The following DTWD1 variants were observed in gnomAD, a reference collection of about 807,000 sequenced individuals.
DTWD1 encodes the protein DTW motif tRNA-uridine aminocarboxypropyltransferase 1.
DTWD1 carries 27 observed loss-of-function variants against 30.2 expected under a neutral mutation model. The ratio of observed to expected loss-of-function variants is 0.90; its 90% CI spans 0.66 to 1.23. The LOEUF (loss-of-function observed/expected upper bound fraction) is 1.23. DTWD1 is among the 50% of genes most tolerant of loss of function. DTWD1 has a pLI of 0.00. For synonymous variants in DTWD1, 99 were observed against 113.1 expected (o/e 0.88, Z 0.79); for missense variants, 342 against 348.8 (o/e 0.98, Z 0.15).
In DTWD1 at chr15:49,643,889, G is replaced by A. The variant is rs2079095929; in HGVS notation, c.*311G>A. On this transcript the variant is annotated 3_prime_UTR_variant, in exon 5 of 5. Transcript: ENST00000403028. ...TAACATATTCCATTAGATCTAATTA[G>A]CTATTTATTTCAACATCTTTATATC... 5.6e-6 allele frequency: 1 copy of A among 179,124 alleles called. No individual in the cohort carries two copies. Among genetic ancestry groups the A allele is most frequent in the Non-Finnish European group, 1.2e-5 (1 of 86,660 alleles). The allele number at this position is 179,124 out of a possible 1,614,324, so 11.1% of individuals were successfully genotyped here.
At chr15:49,635,700 G>A (rs1365119461) in intron 4 of DTWD1, among the ~76,000 whole-genome samples, 6 of 151,738 alleles carry the variant, frequency 4.0e-5, no homozygotes, top group African/African-American at 1.5e-4. Flanking sequence ...CACCATATTG[G>A]CCAGGCTGGT....
In DTWD1 at chr15:49,645,189, C is replaced by T. The variant is rs1362562585; in HGVS notation, c.*1611C>T. 1 of 152,008 alleles carries T rather than the reference C, an allele frequency of 6.6e-6. No individual in the cohort carries two copies. Among genetic ancestry groups the T allele is most frequent in the Non-Finnish European group, 1.5e-5 (1 of 67,984 alleles). 9.4% of individuals were successfully genotyped at this position (152,008 alleles called of 1,614,324 possible). ...TGAATATGTAGCACCTATTAACATG[C>T]CATGGAAATAGGACGTTTGGAGTAT... On this transcript the variant is annotated 3_prime_UTR_variant, in exon 5 of 5. Transcript: ENST00000403028.
chr15:49,633,049 C>CTATATCTATATATATATATATATATA (rs774517463), intron 3 of DTWD1, among the ~76,000 whole-genome samples: 1 of 117,314 alleles, frequency 8.5e-6, no homozygotes, highest in African/African-American at 3.3e-5. Context: ...ATATCTATAT[C>CTATATCTATATATATATATATATATA]TATATATATA....
intron 2 of DTWD1, among the ~76,000 whole-genome samples, chr15:49,630,147 C>G (rs1232020847): frequency 6.6e-6 from 1 of 152,020 alleles, no homozygotes; most frequent in Non-Finnish European, 1.5e-5. Flanking sequence ...ACTATAGTGG[C>G]AGTGGATTAC....
chr15:49,638,357 G>A (rs1377920899), intron 4 of DTWD1, among the ~76,000 whole-genome samples: 1 of 151,974 alleles, frequency 6.6e-6, no homozygotes, highest in African/African-American at 2.4e-5. Flanking sequence ...TTTCAGTTCT[G>A]TGCTAGATCA....
chr15:49,641,775 T>A (rs2079067998), intron 4 of DTWD1, among the ~76,000 whole-genome samples: 1 of 152,142 alleles, frequency 6.6e-6, no homozygotes. Flanking sequence ...GTGTCTTCAA[T>A]ATTCTGTCTT....
chr15:49,634,742 A>G lies in DTWD1; in HGVS notation c.615A>G (p.Ile205Met), dbSNP rs1464498402. 6.8e-6 allele frequency: 11 copies of G among 1,607,176 alleles called. No homozygotes were observed. Among genetic ancestry groups the G allele is most frequent in the Non-Finnish European group, 9.3e-6 (11 of 1,177,078 alleles). Reference sequence around the variant, plus strand: ...CAACACTGAAAAAAATTATATTTATAGATAGCACCTGGAACCAAACAAACA... The same window carrying G: ...CAACACTGAAAAAAATTATATTTATGGATAGCACCTGGAACCAAACAAACA... Reference protein sequence around the residue: ...KGTTLKKIIFIDSTWNQTNKI... With the variant: ...KGTTLKKIIFMDSTWNQTNKI... Residue 205 changes from isoleucine (I) to methionine (M), a missense_variant, in exon 4 of 5, where the codon ATA becomes ATG. Coordinates refer to ENST00000403028, the MANE Select transcript of DTWD1 (RefSeq NM_001144955.2).
Position 49,628,429 on chromosome 15 carries a change from T to C in DTWD1, c.264+2998T>C, listed in dbSNP as rs1389073192. On this transcript the variant is annotated intron_variant, in intron 2 of 4. Coordinates refer to ENST00000403028, the MANE Select transcript of DTWD1 (RefSeq NM_001144955.2). ...TAAACATTATTGTATAGCATGCTTT[T>C]ATATGACTGGCAGTGCAGTAAGTTT... Among the ~76,000 whole-genome samples the C allele has an allele frequency of 2.0e-5, 3 of 152,242 alleles. No individual in the cohort carries two copies. The East Asian group carries it at 5.8e-4, about 29-fold the overall frequency.
rs567391137 is a variant in DTWD1, at chr15:49,624,885, G to C, written c.-55-228G>C. ...ACTGCCATCTCTGGAACAAAAAAGG[G>C]TTCTTGAAAAATGGATTCTCAGTAC... is the stretch of plus-strand genomic sequence containing the variant. On this transcript the variant is annotated intron_variant, in intron 1 of 4. Coordinates refer to ENST00000403028, the MANE Select transcript of DTWD1 (RefSeq NM_001144955.2). Among the ~76,000 whole-genome samples, 5 of 152,302 alleles carry C rather than the reference G, an allele frequency of 3.3e-5. No homozygotes were observed. In the South Asian group the frequency reaches 1.0e-3, roughly 32 times the overall value.
At position 49,643,608 on chromosome 15, in the gene DTWD1, T is replaced by G; in HGVS notation, c.*30T>G. The G allele has an allele frequency of 6.5e-7, 1 of 1,544,738 alleles. No individual in the cohort carries two copies. The highest frequency in any genetic ancestry group is 8.7e-7 in the Non-Finnish European group (1 of 1,147,718). On this transcript the variant is annotated 3_prime_UTR_variant, in exon 5 of 5. Transcript: ENST00000403028. ...TAACAAGCCACTTATGTCTTTTTATTTTGCTAACATTAATAAACTTATATT... is the reference window on the plus strand; with the variant it reads ...TAACAAGCCACTTATGTCTTTTTATGTTGCTAACATTAATAAACTTATATT...
Position 49,643,471 on chromosome 15 carries a change from T to TA in DTWD1, c.809dup (p.Tyr270Ter). The TA allele has an allele frequency of 6.2e-7, 1 of 1,609,776 alleles. No individual in the cohort carries two copies. Among genetic ancestry groups the TA allele is most frequent in the Non-Finnish European group, 8.5e-7 (1 of 1,177,852 alleles). The change falls in exon 5 of 5, where the codon TAC becomes TAAC. Residue 270 changes from tyrosine (Y) to a stop codon, truncating the protein, a stop_gained and frameshift_variant. Transcript: ENST00000403028. LOFTEE classifies it high-confidence loss of function. ...CCATACTGATATATTAAAAGAGAAA[T>TA]ACAGAGGGCAATATGACAATCTTTT... ...DYHTDILKEK[Y>*]RGQYDNLLFF... is the part of the protein sequence containing the mutation.
chr15:49,650,453 G>A lies in DTWD1; in HGVS notation c.*6875G>A, dbSNP rs1369027644. On this transcript the variant is annotated 3_prime_UTR_variant, in exon 5 of 5. Coordinates refer to ENST00000403028, the MANE Select transcript of DTWD1 (RefSeq NM_001144955.2). The stretch of plus-strand genomic sequence containing the variant: ...GGACAAGGGTTGTGATCATGGGCGA[G>A]TGGTACAGAATGACAAGATCCTGCA... 1 of 152,154 alleles carries A rather than the reference G, an allele frequency of 6.6e-6. No individual in the cohort carries two copies. Among genetic ancestry groups the A allele is most frequent in the African/African-American group, 2.4e-5 (1 of 41,420 alleles). The allele number at this position is 152,154 out of a possible 1,614,324, so 9.4% of individuals were successfully genotyped here.
rs2079138752 is a variant in DTWD1 at position 49,649,264 on chromosome 15, T to C, written c.*5686T>C. On this transcript the variant is annotated 3_prime_UTR_variant, in exon 5 of 5. Transcript: ENST00000403028. ...TTAGAACTTTAAGTGAAAATAGTTT[T>C]CTATTTGGATTCTATTTTTAGTCAT... 6.6e-6 allele frequency: 1 copy of C among 152,196 alleles called. No individual in the cohort carries two copies. The highest frequency in any genetic ancestry group is 2.1e-4 in the South Asian group (1 of 4,830). 9.4% of individuals were successfully genotyped at this position (152,196 alleles called of 1,614,324 possible). A position where few individuals can be genotyped will look rare whatever the true frequency, so the allele number is the denominator to read the frequency against.
chr15:49,635,133 C>G (rs1471340030), intron 4 of DTWD1, among the ~76,000 whole-genome samples: 2 of 152,124 alleles, frequency 1.3e-5, no homozygotes, highest in Non-Finnish European at 2.9e-5. Flanking sequence ...CTCCTGGGTT[C>G]AAGTGATCCT....
chr15:49,637,615 T>A (rs540562735), intron 4 of DTWD1, among the ~76,000 whole-genome samples: 28 of 152,336 alleles, frequency 1.8e-4, no homozygotes, highest in Admixed American at 1.6e-3. Flanking sequence ...ACTTGGTTCC[T>A]AATAATAGTG....
At chr15:49,641,725 T>C (rs2079067560) in intron 4 of DTWD1, among the ~76,000 whole-genome samples, 1 of 150,822 alleles carries the variant, frequency 6.6e-6, no homozygotes, top group African/African-American at 2.5e-5. Flanking sequence ...TCTGTTTTTT[T>C]GTTTGTTTGT....
At position 49,651,440 on chromosome 15, in the gene DTWD1, C is replaced by T. The variant is rs2079151677; in HGVS notation, c.*7862C>T. 3 of 152,122 alleles carry T rather than the reference C, an allele frequency of 2.0e-5. No homozygotes were observed. In the South Asian group the frequency reaches 6.2e-4, roughly 32 times the overall value. 9.4% of individuals were successfully genotyped at this position (152,122 alleles called of 1,614,324 possible). ...AGTTATTCGCCACCCAGTGCTAGCA[C>T]AGTGGGCACATGAATGGAATGTCCA... On this transcript the variant is annotated 3_prime_UTR_variant, in exon 5 of 5. Transcript: ENST00000403028.
intron 2 of DTWD1, chr15:49,626,835 G>A (rs745540500): frequency 2.4e-5 from 10 of 422,108 alleles, no homozygotes; most frequent in Non-Finnish European, 4.4e-5. Context: ...CCAAGAATAA[G>A]TAAGTGTGGA....
Position 49,654,154 on chromosome 15 carries a change from C to T in DTWD1, c.*10576C>T, listed in dbSNP as rs1034170209. The T allele has an allele frequency of 6.6e-6, 1 of 152,054 alleles. No homozygotes were observed. Among genetic ancestry groups the T allele is most frequent in the Non-Finnish European group, 1.5e-5 (1 of 68,004 alleles). 9.4% of individuals were successfully genotyped at this position (152,054 alleles called of 1,614,324 possible). On this transcript the variant is annotated 3_prime_UTR_variant, in exon 5 of 5. Transcript: ENST00000403028. ...CTCTCAAGCATCTTCACTTGAGAAA[C>T]AGTAACTGAGGAAGTTTATTGTATC... is the stretch of plus-strand genomic sequence containing the variant.
Sources: gnomAD v4.1 joint callset for allele counts (sites outside exome capture counted in the v4.1 genomes callset) on GRCh38, gnomAD v4.1.1 for gene constraint, MANE v1.5 for transcripts, NCBI Gene and HGNC (gene_info 2026-07-23, HGNC 2026-07-21) for gene names.